Variants in AFF4 observed in about 807,000 individuals in gnomAD.
AFF4 encodes AF4/FMR2 family member 4.
AFF4 carries 13 observed loss-of-function variants against 124.8 expected under a neutral mutation model. The observed-to-expected ratio is 0.10, with a 90% CI of 0.07 to 0.17. The LOEUF is 0.17. Among genes scored for constraint, AFF4 ranks in the 10% least tolerant of loss-of-function variants. AFF4 has a pLI of 1.00. For missense variants in AFF4, 1,092 were observed against 1,403.8 expected, an observed-to-expected ratio of 0.78 and a Z score of 3.55; for synonymous variants, 477 against 496.1, an observed-to-expected ratio of 0.96 and a Z score of 0.51.
intron 13 of AFF4, among the ~76,000 whole-genome samples, chr5:132,890,677 A>G (rs1234477697): frequency 1.3e-5 from 2 of 152,192 alleles, no homozygotes; most frequent in Non-Finnish European, 2.9e-5. Context: ...GGAAATTGTC[A>G]AGACTAACAA....
chr5:132,923,886 G>T (rs1184983773), intron 5 of AFF4, among the ~76,000 whole-genome samples: 1 of 152,108 alleles, frequency 6.6e-6, no homozygotes, highest in African/African-American at 2.4e-5. Context: ...TCTAAATCTG[G>T]AAATAACCCA....
chr5:132,930,190 A>C (rs1376313588), intron 4 of AFF4, among the ~76,000 whole-genome samples: 1 of 152,170 alleles, frequency 6.6e-6, no homozygotes, highest in African/African-American at 2.4e-5. Context: ...CAAAACCCAA[A>C]GGCCAGTGTA....
Position 132,877,000 on chromosome 5 carries a change from A to G in AFF4, c.*4059T>C, listed in dbSNP as rs975418439. On this transcript the variant is annotated 3_prime_UTR_variant, in exon 21 of 21. Transcript: ENST00000265343. Reference sequence around the variant, plus strand: ...CTTAGATGTACAGTATTATTACTGGAAAAAAAGCCTGCCTCTTCAATACAT... The same window carrying G: ...CTTAGATGTACAGTATTATTACTGGGAAAAAAGCCTGCCTCTTCAATACAT... The G allele has an allele frequency of 1.5e-5, 3 of 197,100 alleles. No homozygotes were observed. The highest frequency in any genetic ancestry group is 4.6e-5 in the African/African-American group (2 of 43,314). The allele number at this position is 197,100 out of a possible 1,614,324, so 12.2% of individuals were successfully genotyped here.
At chr5:132,939,812 A>T (rs1041757127) in intron 1 of AFF4, among the ~76,000 whole-genome samples, 2 of 152,080 alleles carry the variant, frequency 1.3e-5, no homozygotes, top group African/African-American at 4.8e-5. Context: ...GGTTTCACCG[A>T]GTTGGCCAAA....
chr5:132,943,895 A>T (rs1359158988), intron 1 of AFF4: 1 of 192,322 alleles, frequency 5.2e-6, no homozygotes, highest in Non-Finnish European at 1.2e-5. Flanking sequence ...ACGGATTGCC[A>T]TTCTGGTAAG....
intron 5 of AFF4, among the ~76,000 whole-genome samples, chr5:132,925,208 A>C (rs970103927): frequency 2.0e-5 from 3 of 151,614 alleles, no homozygotes; most frequent in South Asian, 2.1e-4. Flanking sequence ...TAAATAAATA[A>C]ATACCGGTGC....
chr5:132,893,610 C>G (rs1021114430), intron 11 of AFF4, among the ~76,000 whole-genome samples: 1 of 152,048 alleles, frequency 6.6e-6, no homozygotes, highest in Non-Finnish European at 1.5e-5. Flanking sequence ...CTCTACCTCC[C>G]AGGTTCAAGC....
chr5:132,920,356 A>T (rs867076377), intron 5 of AFF4, among the ~76,000 whole-genome samples: 73 of 125,834 alleles, frequency 5.8e-4, no homozygotes, highest in Non-Finnish European at 8.7e-4. Context: ...GCGGGCAAAC[A>T]TTTTTTTTTT....
Position 132,921,458 on chromosome 5 carries a change from TTTTC to T in AFF4, c.1050+5659_1050+5662del, listed in dbSNP as rs889552706. Among the ~76,000 whole-genome samples, 4 of 142,084 alleles carry T rather than the reference TTTTC, an allele frequency of 2.8e-5. No homozygotes were observed. In the Admixed American group the frequency reaches 3.0e-4, roughly 11 times the overall value. The allele number at this position is 142,084 out of a possible 152,430, so 93.2% of individuals were successfully genotyped here. A position where few individuals can be genotyped will look rare whatever the true frequency, so the allele number is the denominator to read the frequency against. ...ACTTTGGAAAATAGTATGACAGTTG[TTTTC>T]TTTTTTTTTTCTTTTTTTTTTTTTT... is the stretch of plus-strand genomic sequence containing the variant. On this transcript the variant is annotated intron_variant, in intron 5 of 20. Coordinates refer to ENST00000265343, the MANE Select transcript of AFF4 (RefSeq NM_014423.4).
chr5:132,916,395 T>A (rs929867997), intron 5 of AFF4, among the ~76,000 whole-genome samples: 2 of 149,898 alleles, frequency 1.3e-5, no homozygotes, highest in African/African-American at 4.8e-5. Context: ...AGACCCTGTT[T>A]CCATAAATTT....
intron 5 of AFF4, among the ~76,000 whole-genome samples, chr5:132,909,718 T>C (rs964445433): frequency 3.3e-5 from 5 of 152,184 alleles, no homozygotes; most frequent in Non-Finnish European, 7.3e-5. Context: ...TATAACTGAG[T>C]TGAAGATATT....
chr5:132,961,350 A>G (rs1253152729), intron 1 of AFF4, among the ~76,000 whole-genome samples: 1 of 152,090 alleles, frequency 6.6e-6, no homozygotes, highest in Non-Finnish European at 1.5e-5. Flanking sequence ...TCAAGTAGCT[A>G]GAACTACAGG....
At chr5:132,900,713 TA>T (rs1760530364) in intron 7 of AFF4, among the ~76,000 whole-genome samples, 1 of 152,206 alleles carries the variant, frequency 6.6e-6, no homozygotes, top group Non-Finnish European at 1.5e-5. Context: ...AATTTTCTTT[TA>T]AGGCCATAAA....
intron 20 of AFF4, among the ~76,000 whole-genome samples, chr5:132,881,926 G>A (rs561512095): frequency 4.8e-4 from 73 of 150,666 alleles, no homozygotes; most frequent in Admixed American, 1.1e-3. Context: ...TTGGCTTCCC[G>A]AAGTGCTGAG....
intron 1 of AFF4, among the ~76,000 whole-genome samples, chr5:132,941,296 T>C (rs917132495): frequency 3.3e-5 from 5 of 152,130 alleles, no homozygotes; most frequent in African/African-American, 1.2e-4. Context: ...TTTATAGCTA[T>C]GAGAATACAG....
At chr5:132,920,333 A>G (rs1252219657) in intron 5 of AFF4, among the ~76,000 whole-genome samples, 2 of 148,882 alleles carry the variant, frequency 1.3e-5, no homozygotes, top group Non-Finnish European at 3.0e-5. Flanking sequence ...TACAGGTGTG[A>G]GCCACCAGCC....
chr5:132,944,564 T>C (rs971611734), intron 1 of AFF4, among the ~76,000 whole-genome samples: 1 of 151,942 alleles, frequency 6.6e-6, no homozygotes, highest in Non-Finnish European at 1.5e-5. Flanking sequence ...TGGGGAATGC[T>C]TGAGCCTGAG....
rs967615815 is a variant in AFF4, at chr5:132,880,770, C to A, written c.*289G>T. 2.0e-5 allele frequency: 6 copies of A among 303,892 alleles called. No homozygotes were observed. Among genetic ancestry groups the A allele is most frequent in the Non-Finnish European group, 3.0e-5 (5 of 167,118 alleles). 18.8% of individuals were successfully genotyped at this position (303,892 alleles called of 1,614,324 possible). A position where few individuals can be genotyped will look rare whatever the true frequency, so the allele number is the denominator to read the frequency against. On this transcript the variant is annotated 3_prime_UTR_variant, in exon 21 of 21. Transcript: ENST00000265343. ...AATTAAAATAAATAAAATTTCAATT[C>A]ATTAGTTATGAATTGCAACTGGAAT...
chr5:132,953,772 C>T (rs942921801), intron 1 of AFF4, among the ~76,000 whole-genome samples: 2 of 152,040 alleles, frequency 1.3e-5, no homozygotes, highest in Non-Finnish European at 2.9e-5. Flanking sequence ...CTTCTTTTTC[C>T]ACTGCCACCG....
Sources: gnomAD v4.1 joint callset for allele counts (sites outside exome capture counted in the v4.1 genomes callset) on GRCh38, gnomAD v4.1.1 for gene constraint, MANE v1.5 for transcripts, NCBI Gene and HGNC (gene_info 2026-07-23, HGNC 2026-07-21) for gene names.